LDLRAP1: variants seen among roughly 807,000 people sequenced by gnomAD.
LDLRAP1 encodes the protein low density lipoprotein receptor adaptor protein 1, also known as low density lipoprotein receptor adapter protein 1.
Under a neutral mutation model 37.8 loss-of-function variants are expected in LDLRAP1, and 30 were observed. The ratio of observed to expected loss-of-function variants is 0.79; its 90% CI spans 0.59 to 1.08. The LOEUF is 1.08. Ranked by LOEUF, LDLRAP1 falls within the 50% of genes least tolerant of loss-of-function variation. The pLI, the probability that LDLRAP1 is intolerant of heterozygous loss-of-function variation, is 0.00. For synonymous variants in LDLRAP1, 156 were observed against 169.8 expected (o/e 0.92, Z 0.63); for missense variants, 375 against 401.6 (o/e 0.93, Z 0.57).
At chr1:25,560,705 G>T (rs1160416908) in intron 4 of LDLRAP1, among the ~76,000 whole-genome samples, 4 of 152,226 alleles carry the variant, frequency 2.6e-5, no homozygotes, top group African/African-American at 7.2e-5. Context: ...TGAGTTTCTG[G>T]CCCCTTTTGA....
At chr1:25,577,358 C>A in the LDLRAP1 span, among the ~76,000 whole-genome samples, 1 of 152,056 alleles carries the variant, frequency 6.6e-6, no homozygotes, top group Non-Finnish European at 1.5e-5. Flanking sequence ...GGGGACGTGC[C>A]AGGACCACCA....
intron 1 of LDLRAP1, among the ~76,000 whole-genome samples, chr1:25,551,927 AC>A (rs2044080530): frequency 6.6e-6 from 1 of 152,136 alleles, no homozygotes; most frequent in African/African-American, 2.4e-5. Flanking sequence ...GTCCCTGCTC[AC>A]CTGATCTCAA....
intron 1 of LDLRAP1, 134 bp from the exon 2 acceptor site, chr1:25,553,788 A>AG: frequency 2.0e-6 from 2 of 981,718 alleles, no homozygotes; most frequent in Non-Finnish European, 3.0e-6. Flanking sequence ...AAAAAAAAAA[A>AG]AGAGTGGCAG....
At position 25,544,645 on chromosome 1, in the gene LDLRAP1, G is replaced by A. The variant is rs1236518494; in HGVS notation, c.88+859G>A. On this transcript the variant is annotated intron_variant, in intron 1 of 8. Transcript: ENST00000374338. The surrounding 1 kb of genome is among the most constrained non-coding windows in gnomAD (Gnocchi z 4.8). ...TTACGCTCAGGGAACTTGTCACCTG[G>A]CACCTTCCCCTGAAGCCAGAAGACC... 6.6e-6 allele frequency among the ~76,000 whole-genome samples: 1 copy of A among 152,038 alleles called. No individual in the cohort carries two copies. Among genetic ancestry groups the A allele is most frequent in the African/African-American group, 2.4e-5 (1 of 41,386 alleles).
At chr1:25,586,589 T>C in the LDLRAP1 span, among the ~76,000 whole-genome samples, 3 of 126,984 alleles carry the variant, frequency 2.4e-5, no homozygotes, top group African/African-American at 1.2e-4. This position sits in a 1 kb window ranked among gnomAD's most constrained non-coding sequence, Gnocchi z 4.3. Context: ...TGCGCGCGTG[T>C]GTGTGTGTGT....
chr1:25,543,629 A>C lies in LDLRAP1; in HGVS notation c.-70A>C. 1 of 1,085,970 alleles carries C rather than the reference A, an allele frequency of 9.2e-7. No homozygotes were observed. The highest frequency in any genetic ancestry group is 4.5e-5 in the South Asian group (1 of 22,048). The allele number at this position is 1,085,970 out of a possible 1,614,324, so 67.3% of individuals were successfully genotyped here. ...GAGGAGCGCGCAGCCCGCGCGCCGC[A>C]GGGCCGGGCGGAAAGTTTTTCCTGA... On this transcript the variant is annotated 5_prime_UTR_variant, in exon 1 of 9. Coordinates refer to ENST00000374338, the MANE Select transcript of LDLRAP1 (RefSeq NM_015627.3).
the LDLRAP1 span, among the ~76,000 whole-genome samples, chr1:25,586,571 T>TGTGC: frequency 6.7e-6 from 1 of 149,016 alleles, no homozygotes; most frequent in Non-Finnish European, 1.5e-5. This position sits in a 1 kb window ranked among gnomAD's most constrained non-coding sequence, Gnocchi z 4.3. Context: ...CGTGCGTGTG[T>TGTGC]GTGCGTGTGC....
rs538672119 is a variant in LDLRAP1, at chr1:25,568,197, C to T, written c.*1205C>T. 3.3e-5 allele frequency: 5 copies of T among 152,736 alleles called. No individual in the cohort carries two copies. The highest frequency in any genetic ancestry group is 1.2e-4 in the African/African-American group (5 of 41,572). The allele number at this position is 152,736 out of a possible 1,614,324, so 9.5% of individuals were successfully genotyped here. On this transcript the variant is annotated 3_prime_UTR_variant, in exon 9 of 9. Transcript: ENST00000374338. ...CACAGAACTGGCAGGAGCCTCGTGT[C>T]CTGCTAGCTGTCTCTCTTGTTGATT...
At chr1:25,578,466 A>G in the LDLRAP1 span, among the ~76,000 whole-genome samples, 1 of 152,060 alleles carries the variant, frequency 6.6e-6, no homozygotes, top group Non-Finnish European at 1.5e-5. Flanking sequence ...CCCGTTAGAC[A>G]TCATTACCTT....
the LDLRAP1 span, among the ~76,000 whole-genome samples, chr1:25,588,011 T>C: frequency 6.6e-6 from 1 of 152,208 alleles, no homozygotes; most frequent in Non-Finnish European, 1.5e-5. Flanking sequence ...AAACAAGTGC[T>C]GTGTCAACTC....
At position 25,547,220 on chromosome 1, in the gene LDLRAP1, T is replaced by C. The variant is rs187025381; in HGVS notation, c.88+3434T>C. Among the ~76,000 whole-genome samples, 20 of 152,196 alleles carry C rather than the reference T, an allele frequency of 1.3e-4. No homozygotes were observed. In the East Asian group the frequency reaches 3.5e-3, roughly 26 times the overall value. The stretch of plus-strand genomic sequence containing the variant: ...ATTACCAGCAGGGCGCGGTGGCTCA[T>C]GCCTGTAATCCCAGCACTTTGGGAG... On this transcript the variant is annotated intron_variant, in intron 1 of 8. Transcript: ENST00000374338.
Position 25,555,028 on chromosome 1 carries a change from G to A in LDLRAP1, c.344+56G>A, listed in dbSNP as rs367614019. The A allele has an allele frequency of 1.6e-6, 2 of 1,269,706 alleles. No individual in the cohort carries two copies. Among genetic ancestry groups the A allele is most frequent in the Non-Finnish European group, 2.3e-6 (2 of 870,012 alleles). The allele number at this position is 1,269,706 out of a possible 1,614,324, so 78.7% of individuals were successfully genotyped here. A position where few individuals can be genotyped will look rare whatever the true frequency, so the allele number is the denominator to read the frequency against. ...TCTGCCACTTGGGGCAGTGGGTGGA[G>A]TATCCCATCTGAATCCAGGCTCTAC... On this transcript the variant is annotated intron_variant, in intron 3 of 8. Coordinates refer to ENST00000374338, the MANE Select transcript of LDLRAP1 (RefSeq NM_015627.3). The surrounding 1 kb of genome is among the most constrained non-coding windows in gnomAD (Gnocchi z 4.7).
chr1:25,563,187 C>T (rs376167812), intron 6 of LDLRAP1, 34 bp downstream of exon 6: 4 of 1,589,476 alleles, frequency 2.5e-6, no homozygotes, highest in Non-Finnish European at 3.5e-6. Flanking sequence ...ATTGGCCATG[C>T]GGTGTTGGGG....
chr1:25,567,178 TGA>T lies in LDLRAP1; in HGVS notation c.*189_*190del. 1 of 687,858 alleles carries T rather than the reference TGA, an allele frequency of 1.5e-6. No individual in the cohort carries two copies. The highest frequency in any genetic ancestry group is 1.7e-5 in the South Asian group (1 of 57,540). The allele number at this position is 687,858 out of a possible 1,614,324, so 42.6% of individuals were successfully genotyped here. A position where few individuals can be genotyped will look rare whatever the true frequency, so the allele number is the denominator to read the frequency against. ...TTTCTTTTAAGCCCTGCTCTTTCTCTGAGAACCAAAAGATGCCTTGAATATTT... is the reference window on the plus strand; with the variant it reads ...TTTCTTTTAAGCCCTGCTCTTTCTCTGAACCAAAAGATGCCTTGAATATTT... On this transcript the variant is annotated 3_prime_UTR_variant, in exon 9 of 9. Coordinates refer to ENST00000374338, the MANE Select transcript of LDLRAP1 (RefSeq NM_015627.3).
chr1:25,572,112 G>C (rs1217050561), downstream of LDLRAP1, among the ~76,000 whole-genome samples: 2 of 152,226 alleles, frequency 1.3e-5, no homozygotes, highest in African/African-American at 2.4e-5. Context: ...AGGGTAGAAT[G>C]GTTGGCGACT....
At chr1:25,545,727 A>G (rs1461996927) in intron 1 of LDLRAP1, among the ~76,000 whole-genome samples, 1 of 152,208 alleles carries the variant, frequency 6.6e-6, no homozygotes, top group African/African-American at 2.4e-5. Context: ...GTCCCTCGTG[A>G]TGAAGTCTCA....
intron 3 of LDLRAP1, among the ~76,000 whole-genome samples, chr1:25,556,538 A>G: frequency 6.6e-6 from 1 of 152,168 alleles, no homozygotes; most frequent in Admixed American, 6.5e-5. Flanking sequence ...ATGGACCTGA[A>G]TCTCACCAGA....
intron 1 of LDLRAP1, among the ~76,000 whole-genome samples, chr1:25,549,341 G>A (rs1572025095): frequency 1.3e-5 from 2 of 152,172 alleles, no homozygotes; most frequent in South Asian, 2.1e-4. Context: ...CCAGAGCCCC[G>A]GTTGGAGGCT....
Position 25,555,762 on chromosome 1 carries a change from C to A in LDLRAP1, c.344+790C>A, listed in dbSNP as rs187009856. ...GGTCTGGCTGATGTCTTCCTCTCAC[C>A]GGCCTGATCATACCTGCCTTCCTTT... On this transcript the variant is annotated intron_variant, in intron 3 of 8. Coordinates refer to ENST00000374338, the MANE Select transcript of LDLRAP1 (RefSeq NM_015627.3). This position sits in a 1 kb window ranked among gnomAD's most constrained non-coding sequence, Gnocchi z 4.7. 6.6e-6 allele frequency among the ~76,000 whole-genome samples: 1 copy of A among 152,166 alleles called. No individual in the cohort carries two copies. The highest frequency in any genetic ancestry group is 1.5e-5 in the Non-Finnish European group (1 of 68,022).
Sources: gnomAD v4.1 joint callset for allele counts (sites outside exome capture counted in the v4.1 genomes callset) on GRCh38, gnomAD v4.1.1 for gene constraint, Gnocchi (gnomAD v3.1) non-coding constraint, MANE v1.5 for transcripts, NCBI Gene and HGNC (gene_info 2026-07-23, HGNC 2026-07-21) for gene names.